NKAIN2: variants seen among roughly 807,000 people sequenced by gnomAD.
NKAIN2 encodes the protein sodium/potassium-transporting ATPase subunit beta-1-interacting protein 2.
In NKAIN2, 14 loss-of-function variants were observed where a neutral mutation model predicts 32.6. The ratio of observed to expected loss-of-function variants is 0.43; its 90% CI spans 0.28 to 0.67. The LOEUF is 0.67. Among genes scored for constraint, NKAIN2 ranks in the 30% least tolerant of loss-of-function variants. NKAIN2 has a pLI of 0.17. For synonymous variants in NKAIN2, 80 were observed against 87.2 expected, an observed-to-expected ratio of 0.92 and a Z score of 0.46; for missense variants, 198 against 258.3, an observed-to-expected ratio of 0.77 and a Z score of 1.60.
At chr6:124,185,091 A>T (rs563292384) in intron 1 of NKAIN2, among the ~76,000 whole-genome samples, 2 of 152,264 alleles carry the variant, frequency 1.3e-5, no homozygotes, top group African/African-American at 4.8e-5. Flanking sequence ...AATGTAAAAC[A>T]TATCTATGTA....
intron 1 of NKAIN2, among the ~76,000 whole-genome samples, chr6:123,931,528 A>T (rs1165017516): frequency 2.0e-5 from 3 of 152,274 alleles, no homozygotes; most frequent in African/African-American, 7.2e-5. Context: ...AGGGCAGCAC[A>T]TGTATTTTTT....
At chr6:124,172,248 G>A (rs892205025) in intron 1 of NKAIN2, among the ~76,000 whole-genome samples, 3 of 152,054 alleles carry the variant, frequency 2.0e-5, no homozygotes, top group Admixed American at 2.0e-4. Flanking sequence ...TACATGACTG[G>A]CTTTTGAAGT....
In NKAIN2 at chr6:124,761,318, T is replaced by C. The variant is rs193094689; in HGVS notation, c.475-30021T>C. Among the ~76,000 whole-genome samples the C allele has an allele frequency of 2.6e-5, 4 of 152,316 alleles. No individual in the cohort carries two copies. The East Asian group carries it at 7.7e-4, about 29-fold the overall frequency. On this transcript the variant is annotated intron_variant, in intron 4 of 6. Coordinates refer to ENST00000368417, the MANE Select transcript of NKAIN2 (RefSeq NM_001040214.3). ...GCTAGTTAGATGGCCTTCAAAGTAC[T>C]TGGCCCTCCCTGACCTTGATAACCC...
intron 3 of NKAIN2, among the ~76,000 whole-genome samples, chr6:124,521,545 G>A (rs961964830): frequency 1.3e-5 from 2 of 152,094 alleles, no homozygotes; most frequent in African/African-American, 4.8e-5. Flanking sequence ...GGACAAATAC[G>A]TGAATGCTGG....
chr6:124,227,408 C>T (rs1217856926), intron 1 of NKAIN2, among the ~76,000 whole-genome samples: 1 of 152,206 alleles, frequency 6.6e-6, no homozygotes, highest in Non-Finnish European at 1.5e-5. Flanking sequence ...GGCATTTACA[C>T]TCACGCGTAA....
At chr6:124,648,655 A>G (rs1784261890) in intron 3 of NKAIN2, among the ~76,000 whole-genome samples, 1 of 152,200 alleles carries the variant, frequency 6.6e-6, no homozygotes, top group South Asian at 2.1e-4. Flanking sequence ...GTCATAGTTC[A>G]CCTGAAAAAG....
chr6:123,871,026 GAT>G lies in NKAIN2; in HGVS notation c.54+66773_54+66774del, dbSNP rs1220957905. On this transcript the variant is annotated intron_variant, in intron 1 of 6. Coordinates refer to ENST00000368417, the MANE Select transcript of NKAIN2 (RefSeq NM_001040214.3). ...ACTTCAGTGGCATGCTTACATTGCT[GAT>G]TCTTGATTTTTTCAATTTTACACAT... 2.6e-3 allele frequency among the ~76,000 whole-genome samples: 389 copies of G among 152,102 alleles called. 2 individuals are homozygous for G. The highest frequency in any genetic ancestry group is 8.9e-3 in the African/African-American group (371 of 41,488).
At chr6:124,160,883 A>C (rs1010073471) in intron 1 of NKAIN2, among the ~76,000 whole-genome samples, 1 of 152,014 alleles carries the variant, frequency 6.6e-6, no homozygotes, top group East Asian at 1.9e-4. Context: ...ACACATGAAA[A>C]CTCCTTTGTT....
chr6:124,719,169 C>T (rs1034537451), intron 4 of NKAIN2, among the ~76,000 whole-genome samples: 1 of 152,116 alleles, frequency 6.6e-6, no homozygotes, highest in Non-Finnish European at 1.5e-5. Flanking sequence ...GGATAAATTG[C>T]TAATTTCCAT....
chr6:124,584,286 A>T (rs1646452494), intron 3 of NKAIN2, among the ~76,000 whole-genome samples: 1 of 152,184 alleles, frequency 6.6e-6, no homozygotes, highest in African/African-American at 2.4e-5. Context: ...GAAACTAAAA[A>T]AATTAAATAG....
At chr6:124,245,335 A>G (rs754686454) in intron 1 of NKAIN2, among the ~76,000 whole-genome samples, 14 of 152,062 alleles carry the variant, frequency 9.2e-5, no homozygotes, top group African/African-American at 2.7e-4. Context: ...AAAGAATCCT[A>G]CTCTGGGAGA....
chr6:124,385,759 C>T (rs967679023), intron 3 of NKAIN2, among the ~76,000 whole-genome samples: 2 of 152,044 alleles, frequency 1.3e-5, no homozygotes, highest in African/African-American at 4.8e-5. Context: ...CCAAGATCTA[C>T]CCCCTCTCAA....
At chr6:124,818,501 G>A in intron 6 of NKAIN2, 33 bp downstream of exon 6, 1 of 1,007,978 alleles carries the variant, frequency 9.9e-7, no homozygotes. Flanking sequence ...ACTCTTCTGG[G>A]GTACTAAAGA....
intron 3 of NKAIN2, among the ~76,000 whole-genome samples, chr6:124,603,864 A>G (rs866993770): frequency 6.6e-6 from 1 of 151,974 alleles, no homozygotes; most frequent in Non-Finnish European, 1.5e-5. Flanking sequence ...AAGAACTGTC[A>G]ATCCAAGATA....
At chr6:124,700,400 T>G (rs570848563) in intron 4 of NKAIN2, among the ~76,000 whole-genome samples, 1 of 152,276 alleles carries the variant, frequency 6.6e-6, no homozygotes, top group South Asian at 2.1e-4. Context: ...CATCAGCAAC[T>G]TTTTGCCAAA....
At chr6:124,001,033 A>C (rs2114711896) in intron 1 of NKAIN2, among the ~76,000 whole-genome samples, 1 of 152,222 alleles carries the variant, frequency 6.6e-6, no homozygotes, top group Non-Finnish European at 1.5e-5. Flanking sequence ...ATATTAAAAT[A>C]TTGAAATATC....
chr6:124,564,704 G>A (rs1259592006), intron 3 of NKAIN2, among the ~76,000 whole-genome samples: 2 of 152,198 alleles, frequency 1.3e-5, no homozygotes, highest in African/African-American at 4.8e-5. Context: ...GGACACAGAA[G>A]AACAGGCTGC....
chr6:124,100,862 T>C (rs750547315), intron 1 of NKAIN2, among the ~76,000 whole-genome samples: 19 of 152,208 alleles, frequency 1.2e-4, no homozygotes, highest in Non-Finnish European at 2.2e-4. Context: ...ATCACAAACT[T>C]GCCCAGAGGC....
At chr6:124,148,671 A>G (rs1787551046) in intron 1 of NKAIN2, among the ~76,000 whole-genome samples, 1 of 152,186 alleles carries the variant, frequency 6.6e-6, no homozygotes, top group Non-Finnish European at 1.5e-5. Flanking sequence ...TCATTATAGA[A>G]CAATATTTCC....
Sources: gnomAD v4.1 joint callset for allele counts (sites outside exome capture counted in the v4.1 genomes callset) on GRCh38, gnomAD v4.1.1 for gene constraint, MANE v1.5 for transcripts, NCBI Gene and HGNC (gene_info 2026-07-23, HGNC 2026-07-21) for gene names.